SUPT3H: variants seen among roughly 807,000 people sequenced by gnomAD.
SUPT3H encodes transcription initiation protein SPT3 homolog.
A neutral mutation model predicts 44.3 loss-of-function variants in SUPT3H; 44 were observed. The observed-to-expected ratio is 0.99, with a 90% CI of 0.78 to 1.28. The LOEUF (loss-of-function observed/expected upper bound fraction) is 1.28, where lower values mean the gene tolerates loss of function less well. Among genes scored for constraint, SUPT3H ranks in the 50% most tolerant of loss-of-function variants. The probability of loss-of-function intolerance (pLI) is 0.00; values close to 1 mark genes in which losing one functional copy is unlikely to be tolerated. For missense variants in SUPT3H, 380 were observed against 387.1 expected, an observed-to-expected ratio of 0.98 and a Z score of 0.15; for synonymous variants, 124 against 125.6, an observed-to-expected ratio of 0.99 and a Z score of 0.09.
chr6:44,919,902 C>G (rs1043535288), intron 10 of SUPT3H, among the ~76,000 whole-genome samples: 1 of 151,656 alleles, frequency 6.6e-6, no homozygotes, highest in Non-Finnish European at 1.5e-5. Context: ...TTTTTGAGAC[C>G]CAGTCTTGCT....
intron 10 of SUPT3H, among the ~76,000 whole-genome samples, chr6:44,838,518 AG>A (rs1468035505): frequency 1.3e-5 from 2 of 152,170 alleles, no homozygotes; most frequent in Non-Finnish European, 2.9e-5. Flanking sequence ...GGATGGGTTC[AG>A]GGGACAAAAA....
intron 2 of SUPT3H, among the ~76,000 whole-genome samples, chr6:45,287,192 G>A (rs867804364): frequency 8.6e-5 from 13 of 151,670 alleles, no homozygotes; most frequent in Middle Eastern, 3.4e-3. Context: ...GTATACATAT[G>A]TAACAAACCT....
Position 44,818,995 on chromosome 6 carries a change from G to A in SUPT3H, c.*53-9494C>T, listed in dbSNP as rs114246446. Among the ~76,000 whole-genome samples the A allele has an allele frequency of 5.2e-3, 792 of 152,234 alleles. 5 individuals are homozygous for A. The highest frequency in any genetic ancestry group is 0.018 in the African/African-American group (738 of 41,546). ...ATTTACCCAATACAAATGAACACGT[G>A]AGTCCACACAAAGATCTGTCCATTT... On this transcript the variant is annotated intron_variant and NMD_transcript_variant, in intron 11 of 11. Coordinates refer to the SUPT3H transcript ENST00000475057.
chr6:45,269,638 A>G (rs1440343457), intron 2 of SUPT3H, among the ~76,000 whole-genome samples: 3 of 152,238 alleles, frequency 2.0e-5, no homozygotes, highest in Non-Finnish European at 4.4e-5. Flanking sequence ...CAACTAGTCA[A>G]TCTTCAAGCT....
intron 9 of SUPT3H, among the ~76,000 whole-genome samples, chr6:44,951,751 T>C (rs1004275546): frequency 6.6e-6 from 1 of 152,056 alleles, no homozygotes. Context: ...AGAGGGGAAA[T>C]AAAGAGTTTT....
At chr6:45,204,985 T>C (rs915373892) in intron 2 of SUPT3H, among the ~76,000 whole-genome samples, 1 of 152,220 alleles carries the variant, frequency 6.6e-6, no homozygotes, top group Non-Finnish European at 1.5e-5. Context: ...CTCCCCTTCA[T>C]TAAATATGCC....
At chr6:44,934,900 C>T (rs141356179) in intron 9 of SUPT3H, among the ~76,000 whole-genome samples, 250 of 152,278 alleles carry the variant, frequency 1.6e-3, no homozygotes, top group Admixed American at 3.7e-3. Flanking sequence ...TTGTGACTGC[C>T]ATTTGTAAGA....
chr6:44,908,311 C>G (rs987981223), intron 10 of SUPT3H, among the ~76,000 whole-genome samples: 2 of 151,860 alleles, frequency 1.3e-5, no homozygotes, highest in African/African-American at 4.8e-5. Flanking sequence ...ACCACCATGC[C>G]CAGCTAATTT....
At chr6:45,163,954 C>T (rs185601951) in intron 2 of SUPT3H, among the ~76,000 whole-genome samples, 285 of 152,238 alleles carry the variant, frequency 1.9e-3, no homozygotes, top group African/African-American at 6.7e-3. Flanking sequence ...TGTGAATCAG[C>T]CTACTCACCA....
chr6:44,952,005 G>A (rs944537456), intron 9 of SUPT3H, among the ~76,000 whole-genome samples: 2 of 151,922 alleles, frequency 1.3e-5, no homozygotes, highest in Non-Finnish European at 2.9e-5. Flanking sequence ...TAAGCTTTAG[G>A]GACTTTTGTA....
intron 10 of SUPT3H, among the ~76,000 whole-genome samples, chr6:44,836,504 C>A (rs1383190693): frequency 6.6e-6 from 1 of 152,082 alleles, no homozygotes; most frequent in African/African-American, 2.4e-5. Flanking sequence ...ACCCAGAGCC[C>A]ATAAATCTTG....
chr6:45,061,318 C>T (rs1241029900), intron 3 of SUPT3H, among the ~76,000 whole-genome samples: 1 of 152,132 alleles, frequency 6.6e-6, no homozygotes, highest in African/African-American at 2.4e-5. Context: ...GAGCTGCAAG[C>T]CGTTATCCTC....
At chr6:45,330,118 A>C (rs193258945) in intron 2 of SUPT3H, among the ~76,000 whole-genome samples, 4 of 150,894 alleles carry the variant, frequency 2.7e-5, no homozygotes, top group Non-Finnish European at 4.4e-5. Context: ...TGTATTTTAC[A>C]AAAAAAAATG....
rs1329702980 is a variant in SUPT3H at position 45,018,296 on chromosome 6, G to C, written c.273+2250C>G. Among the ~76,000 whole-genome samples the C allele has an allele frequency of 3.3e-5, 5 of 152,076 alleles. No homozygotes were observed. In the East Asian group the frequency reaches 9.7e-4, roughly 29 times the overall value. On this transcript the variant is annotated intron_variant, in intron 4 of 10. Transcript: ENST00000371459. ...ATATAATCATGTCGTCTGCAAACAG[G>C]GACAATTTGACTTCCTCTTTTCCTA...
intron 2 of SUPT3H, among the ~76,000 whole-genome samples, chr6:45,116,781 T>C (rs1800907517): frequency 6.6e-6 from 1 of 152,152 alleles, no homozygotes; most frequent in African/African-American, 2.4e-5. Flanking sequence ...ATTCAATAAC[T>C]TTTAGTAAAT....
At chr6:45,212,570 G>T (rs962205200) in intron 2 of SUPT3H, among the ~76,000 whole-genome samples, 1 of 140,370 alleles carries the variant, frequency 7.1e-6, no homozygotes. Context: ...TACTCACTAG[G>T]TCCTATGACT....
At chr6:44,852,091 C>G (rs1014846154) in intron 10 of SUPT3H, among the ~76,000 whole-genome samples, 4 of 152,052 alleles carry the variant, frequency 2.6e-5, no homozygotes, top group African/African-American at 4.8e-5. Context: ...TATTTTCCAG[C>G]CTTGGGGAAA....
chr6:45,186,725 G>A (rs1351822393), intron 2 of SUPT3H, among the ~76,000 whole-genome samples: 1 of 151,952 alleles, frequency 6.6e-6, no homozygotes, highest in African/African-American at 2.4e-5. Flanking sequence ...CTTCTCCCCT[G>A]ACCCAGGTCA....
At chr6:45,181,200 A>C (rs1018737249) in intron 2 of SUPT3H, among the ~76,000 whole-genome samples, 3 of 107,056 alleles carry the variant, frequency 2.8e-5, no homozygotes, top group Admixed American at 2.7e-4. Flanking sequence ...GGCAATCATT[A>C]AAAAGTCAGG....
Sources: gnomAD v4.1 joint callset for allele counts (sites outside exome capture counted in the v4.1 genomes callset) on GRCh38, gnomAD v4.1.1 for gene constraint, MANE v1.5 for transcripts, NCBI Gene and HGNC (gene_info 2026-07-23, HGNC 2026-07-21) for gene names.